FOXP1: variants seen among roughly 807,000 people sequenced by gnomAD.
The protein encoded by FOXP1 is forkhead box protein P1.
A neutral mutation model predicts 98.2 loss-of-function variants in FOXP1; 15 were observed. The observed-to-expected ratio is 0.15, with a 90% confidence interval of 0.10 to 0.24. The LOEUF is 0.24. Among genes scored for constraint, FOXP1 ranks in the 10% least tolerant of loss-of-function variants. The pLI is 1.00. For missense variants in FOXP1, 633 were observed against 848.5 expected, an observed-to-expected ratio of 0.75 and a Z score of 3.15; for synonymous variants, 371 against 314.5, an observed-to-expected ratio of 1.18 and a Z score of -1.90.
rs2032347764 is a variant in FOXP1, at chr3:70,958,323, T to G, written c.*924A>C. 1.9e-6 allele frequency: 1 copy of G among 535,408 alleles called. No individual in the cohort carries two copies. The highest frequency in any genetic ancestry group is 3.6e-6 in the Non-Finnish European group (1 of 276,254). The allele number at this position is 535,408 out of a possible 1,614,324, so 33.2% of individuals were successfully genotyped here. On this transcript the variant is annotated 3_prime_UTR_variant, in exon 21 of 21. Transcript: ENST00000649528. ...AGAGTTTGTCTCTCTTTTTTTTTTC[T>G]GTCATTCATTCTCTTTCTGGCAGGA... is the stretch of plus-strand genomic sequence containing the variant.
rs1560102621 is a variant in FOXP1 at position 71,198,396 on chromosome 3, A to G, written c.-11-4T>C. 2.3e-6 allele frequency: 2 copies of G among 886,344 alleles called. No homozygotes were observed. Among genetic ancestry groups the G allele is most frequent in the Non-Finnish European group, 1.7e-6 (1 of 589,112 alleles). 54.9% of individuals were successfully genotyped at this position (886,344 alleles called of 1,614,324 possible). A position where few individuals can be genotyped will look rare whatever the true frequency, so the allele number is the denominator to read the frequency against. ...TCTTGCATCATGACTCAAAAACCTG[A>G]TACAAGGATTTCCAAGATGGGGGGA... is the stretch of plus-strand genomic sequence containing the variant. On this transcript the variant is annotated splice_polypyrimidine_tract_variant and splice_region_variant and intron_variant, in intron 5 of 20. Transcript: ENST00000649528.
intron 6 of FOXP1, among the ~76,000 whole-genome samples, chr3:71,159,520 A>T (rs1471223407): frequency 6.6e-6 from 1 of 152,186 alleles, no homozygotes; most frequent in Non-Finnish European, 1.5e-5. Flanking sequence ...AAGTTCCTTG[A>T]CCGGACCCAG....
At chr3:71,564,176 T>A (rs1227238046) in intron 2 of FOXP1, among the ~76,000 whole-genome samples, 1 of 152,130 alleles carries the variant, frequency 6.6e-6, no homozygotes, top group Non-Finnish European at 1.5e-5. Flanking sequence ...AACACAGCAA[T>A]AAGGTAATTA....
intron 5 of FOXP1, among the ~76,000 whole-genome samples, chr3:71,215,437 T>C (rs548750509): frequency 3.9e-5 from 6 of 152,178 alleles, no homozygotes; most frequent in Admixed American, 1.3e-4. Context: ...GAGATTAGAA[T>C]TGTGATAAGT....
chr3:71,271,509 A>G (rs921024311), intron 5 of FOXP1, among the ~76,000 whole-genome samples: 1 of 152,226 alleles, frequency 6.6e-6, no homozygotes, highest in East Asian at 1.9e-4. Flanking sequence ...AAAGCTGTCA[A>G]TCTAGACAGA....
chr3:71,569,190 C>A (rs534330641), intron 2 of FOXP1, among the ~76,000 whole-genome samples: 1 of 152,164 alleles, frequency 6.6e-6, no homozygotes, highest in African/African-American at 2.4e-5. Context: ...ACAGATGTCA[C>A]TAATGGGCAG....
At chr3:71,210,778 T>C (rs2064396749) in intron 5 of FOXP1, 1 of 152,132 alleles carries the variant, frequency 6.6e-6, no homozygotes, top group African/African-American at 2.4e-5. Flanking sequence ...AAAAACAAAA[T>C]GAAAAAGTCA....
intron 3 of FOXP1, among the ~76,000 whole-genome samples, chr3:71,486,459 T>C (rs1397922621): frequency 6.6e-6 from 1 of 152,202 alleles, no homozygotes; most frequent in African/African-American, 2.4e-5. Flanking sequence ...ACAGGCCTGC[T>C]GTTTCGGGGG....
Position 71,556,236 on chromosome 3 carries a change from C to A in FOXP1, c.-298+25313G>T, listed in dbSNP as rs549404316. Among the ~76,000 whole-genome samples, 3 of 152,204 alleles carry A rather than the reference C, an allele frequency of 2.0e-5. No individual in the cohort carries two copies. The South Asian group carries it at 6.2e-4, about 32-fold the overall frequency. Reference sequence around the variant, plus strand: ...CCAAAGGGTGTGAAAAGGACAATTTCATTAGTTATTAAAGAAAGCACATTT... The same window carrying A: ...CCAAAGGGTGTGAAAAGGACAATTTAATTAGTTATTAAAGAAAGCACATTT... On this transcript the variant is annotated intron_variant, in intron 2 of 20. Coordinates refer to ENST00000649528, the MANE Select transcript of FOXP1 (RefSeq NM_001349338.3).
At chr3:70,960,788 T>A (rs2033211451) in intron 20 of FOXP1, among the ~76,000 whole-genome samples, 1 of 151,892 alleles carries the variant, frequency 6.6e-6, no homozygotes, top group Admixed American at 6.6e-5. Flanking sequence ...ACTCTAAAAT[T>A]AGCACAGCCT....
At chr3:71,263,501 T>C (rs2069356168) in intron 5 of FOXP1, among the ~76,000 whole-genome samples, 1 of 152,186 alleles carries the variant, frequency 6.6e-6, no homozygotes, top group African/African-American at 2.4e-5. Context: ...TATCATGTCC[T>C]ACAACAAGCC....
At chr3:71,157,042 CAA>C (rs2060859205) in intron 6 of FOXP1, among the ~76,000 whole-genome samples, 1 of 152,180 alleles carries the variant, frequency 6.6e-6, no homozygotes, top group Admixed American at 6.5e-5. Flanking sequence ...AGGAAAAGCA[CAA>C]GAGAGTGGAG....
At chr3:71,324,321 G>A (rs1344681572) in intron 4 of FOXP1, among the ~76,000 whole-genome samples, 2 of 152,114 alleles carry the variant, frequency 1.3e-5, no homozygotes, top group African/African-American at 4.8e-5. Flanking sequence ...GCACACGTAT[G>A]TTTACTGAGG....
chr3:71,079,690 G>A (rs1263941893), intron 7 of FOXP1, among the ~76,000 whole-genome samples: 5 of 152,104 alleles, frequency 3.3e-5, no homozygotes, highest in South Asian at 2.1e-4. Flanking sequence ...TCCAGGTGTC[G>A]GGTTATTCCC....
intron 3 of FOXP1, among the ~76,000 whole-genome samples, chr3:71,441,597 T>C (rs1238798722): frequency 6.6e-6 from 1 of 152,204 alleles, no homozygotes; most frequent in African/African-American, 2.4e-5. Flanking sequence ...AGGGAACCAT[T>C]TGGAGAGGTT....
At chr3:71,191,445 C>T (rs1423495773) in intron 6 of FOXP1, among the ~76,000 whole-genome samples, 1 of 152,178 alleles carries the variant, frequency 6.6e-6, no homozygotes, top group African/African-American at 2.4e-5. Context: ...CAAGAGGGTA[C>T]ACTTCACTCA....
At chr3:71,184,757 G>C (rs898942495) in intron 6 of FOXP1, among the ~76,000 whole-genome samples, 2 of 141,870 alleles carry the variant, frequency 1.4e-5, no homozygotes, top group African/African-American at 5.2e-5. Flanking sequence ...GCTGTGTAAC[G>C]TTTTTTTTTT....
intron 19 of FOXP1, among the ~76,000 whole-genome samples, chr3:70,968,141 A>C (rs1028138412): frequency 1.3e-5 from 2 of 152,162 alleles, no homozygotes; most frequent in African/African-American, 4.8e-5. Context: ...AAACGCATAC[A>C]AAGGCAAGCA....
chr3:71,187,355 G>A (rs563167928), intron 6 of FOXP1, among the ~76,000 whole-genome samples: 5 of 152,184 alleles, frequency 3.3e-5, no homozygotes, highest in Non-Finnish European at 5.9e-5. Context: ...GGAGGCTGAG[G>A]CGGGTGGATC....
Sources: allele counts gnomAD v4.1 joint callset (sites outside exome capture counted in the v4.1 genomes callset), GRCh38; gene constraint gnomAD v4.1.1; transcripts MANE v1.5; gene names NCBI Gene and HGNC (gene_info 2026-07-23, HGNC 2026-07-21).